CDH4: variants seen among roughly 807,000 people sequenced by gnomAD.
The protein encoded by CDH4 is cadherin 4, also known as cadherin-4.
Under a neutral mutation model 86.0 loss-of-function variants are expected in CDH4, and 33 were observed. The observed-to-expected ratio is 0.38, with a 90% CI of 0.29 to 0.51. The LOEUF (loss-of-function observed/expected upper bound fraction) is 0.51, where lower values mean the gene tolerates loss of function less well. Among genes scored for constraint, CDH4 ranks in the 20% least tolerant of loss-of-function variants. CDH4 has a pLI of 0.86. For missense variants in CDH4, 1,114 were observed against 1,307.4 expected (o/e 0.85, Z 2.28); for synonymous variants, 555 against 549.4 (o/e 1.01, Z -0.14).
At chr20:61,394,950 A>G (rs1477784497) in intron 2 of CDH4, among the ~76,000 whole-genome samples, 3 of 144,016 alleles carry the variant, frequency 2.1e-5, no homozygotes, top group Non-Finnish European at 4.5e-5. Context: ...CCATCCTGGA[A>G]AAGCGCTCCC....
chr20:61,734,893 C>T (rs1187020098), intron 2 of CDH4, among the ~76,000 whole-genome samples: 1 of 152,226 alleles, frequency 6.6e-6, no homozygotes, highest in East Asian at 1.9e-4. Flanking sequence ...CCTCCTGAGT[C>T]CCCAGGGCTG....
chr20:61,267,722 A>G (rs1177133484), intron 2 of CDH4, among the ~76,000 whole-genome samples: 1 of 152,168 alleles, frequency 6.6e-6, no homozygotes, highest in Non-Finnish European at 1.5e-5. Context: ...ATCGTTCAAC[A>G]GAGACAGAGA....
At chr20:61,852,615 G>T in intron 5 of CDH4, 139 bp from the exon 6 acceptor site, 1 of 699,562 alleles carries the variant, frequency 1.4e-6, no homozygotes, top group Non-Finnish European at 2.2e-6. Flanking sequence ...ATTCCATGAC[G>T]TGTCCAAAGC....
At chr20:61,301,593 T>A (rs1302091697) in intron 2 of CDH4, among the ~76,000 whole-genome samples, 1 of 152,184 alleles carries the variant, frequency 6.6e-6, no homozygotes, top group East Asian at 1.9e-4. Flanking sequence ...TAAAAATAGG[T>A]TTCATAAAGG....
chr20:61,427,770 C>G (rs569932512), intron 2 of CDH4, among the ~76,000 whole-genome samples: 28 of 152,078 alleles, frequency 1.8e-4, no homozygotes, highest in African/African-American at 6.0e-4. Flanking sequence ...GTCTCCCCAC[C>G]CTTCCCTCAC....
intron 2 of CDH4, among the ~76,000 whole-genome samples, chr20:61,716,304 C>T (rs2087952380): frequency 2.0e-5 from 3 of 151,644 alleles, no homozygotes; most frequent in African/African-American, 4.9e-5. Context: ...AAGGGGTGGA[C>T]ACTCCTCACC....
intron 3 of CDH4, among the ~76,000 whole-genome samples, chr20:61,771,904 G>A (rs2088780196): frequency 6.6e-6 from 1 of 152,178 alleles, no homozygotes; most frequent in Non-Finnish European, 1.5e-5. Flanking sequence ...GTTTCCTGGG[G>A]ACAGATTTCC....
chr20:61,855,234 C>G, intron 6 of CDH4, among the ~76,000 whole-genome samples: 1 of 152,192 alleles, frequency 6.6e-6, no homozygotes, highest in South Asian at 2.1e-4. Flanking sequence ...GTGAATTGCG[C>G]CTTTGGTCTG....
intron 2 of CDH4, among the ~76,000 whole-genome samples, chr20:61,565,233 G>GGTGCTCT: frequency 2.1e-5 from 1 of 46,744 alleles, no homozygotes. Flanking sequence ...GGTGGTGGTG[G>GGTGCTCT]TGGTGGTGGC....
At chr20:61,410,633 GTCCA>G (rs1289948080) in intron 2 of CDH4, among the ~76,000 whole-genome samples, 38 of 134,606 alleles carry the variant, frequency 2.8e-4, no homozygotes, top group African/African-American at 1.1e-3. Context: ...CCTCCCACTG[GTCCA>G]TCCATCCATC....
intron 7 of CDH4, among the ~76,000 whole-genome samples, chr20:61,875,177 T>C (rs1469344458): frequency 6.6e-6 from 1 of 152,196 alleles, no homozygotes; most frequent in African/African-American, 2.4e-5. Context: ...TGCAGTGCTG[T>C]CTTCATCCCC....
chr20:61,622,739 C>T (rs111442795), intron 2 of CDH4, among the ~76,000 whole-genome samples: 1 of 152,346 alleles, frequency 6.6e-6, no homozygotes, highest in African/African-American at 2.4e-5. Flanking sequence ...GGGTACTTAC[C>T]TGCATCCGTG....
intron 2 of CDH4, among the ~76,000 whole-genome samples, chr20:61,476,628 C>T (rs1164986109): frequency 1.3e-5 from 2 of 152,360 alleles, no homozygotes; most frequent in African/African-American, 2.4e-5. Flanking sequence ...TTCAGAGCTG[C>T]TCGCCCCACC....
At chr20:61,589,671 T>C (rs140001136) in intron 2 of CDH4, among the ~76,000 whole-genome samples, 150 of 152,280 alleles carry the variant, frequency 9.9e-4, no homozygotes, top group Middle Eastern at 3.4e-3. Context: ...ACAAGGTTCA[T>C]ATGTATATAT....
At chr20:61,631,924 C>T (rs533536377) in intron 2 of CDH4, among the ~76,000 whole-genome samples, 7 of 152,352 alleles carry the variant, frequency 4.6e-5, no homozygotes, top group East Asian at 1.9e-4. Flanking sequence ...CCCACCCAGC[C>T]GCTGCCATAA....
intron 2 of CDH4, among the ~76,000 whole-genome samples, chr20:61,300,032 G>A (rs929312935): frequency 1.3e-5 from 2 of 152,126 alleles, no homozygotes; most frequent in Non-Finnish European, 2.9e-5. Context: ...GGAATCGTGT[G>A]TATTTCTTCA....
At chr20:61,870,818 A>T (rs948573213) in intron 6 of CDH4, among the ~76,000 whole-genome samples, 1 of 152,084 alleles carries the variant, frequency 6.6e-6, no homozygotes, top group Non-Finnish European at 1.5e-5. Flanking sequence ...TTGCTCGGGG[A>T]TTCCTGGCTT....
chr20:61,324,930 G>A (rs1174445720), intron 2 of CDH4, among the ~76,000 whole-genome samples: 5 of 152,244 alleles, frequency 3.3e-5, no homozygotes, highest in East Asian at 3.9e-4. Context: ...AACAATTTCC[G>A]AGACCACATC....
chr20:61,887,073 C>T (rs979268888), intron 7 of CDH4, among the ~76,000 whole-genome samples: 3 of 152,194 alleles, frequency 2.0e-5, no homozygotes, highest in Admixed American at 1.3e-4. Flanking sequence ...CTCCCATGAC[C>T]GCCTCATGAG....
Sources: allele counts gnomAD v4.1 joint callset (sites outside exome capture counted in the v4.1 genomes callset), GRCh38; gene constraint gnomAD v4.1.1; transcripts MANE v1.5; gene names NCBI Gene and HGNC (gene_info 2026-07-23, HGNC 2026-07-21).